C1QTNF1: variants seen among roughly 807,000 people sequenced by gnomAD.
C1QTNF1 encodes complement C1q tumor necrosis factor-related protein 1.
C1QTNF1 carries 22 observed loss-of-function variants against 27.8 expected under a neutral mutation model. That is an observed-to-expected ratio of 0.79 (90% CI 0.56 to 1.13). The LOEUF is 1.13. Among genes scored for constraint, C1QTNF1 ranks in the 50% most tolerant of loss-of-function variants. The probability of loss-of-function intolerance (pLI) is 0.00; values close to 1 mark genes in which losing one functional copy is unlikely to be tolerated. For synonymous variants in C1QTNF1, 166 were observed against 154.3 expected (o/e 1.08, Z -0.56); for missense variants, 373 against 380.2 (o/e 0.98, Z 0.16).
intron 1 of C1QTNF1, 123 bp from the exon 2 acceptor site, chr17:79,043,832 G>C (rs142569019): frequency 3.0e-6 from 3 of 1,016,396 alleles, no homozygotes; most frequent in Non-Finnish European, 4.6e-6. Flanking sequence ...GCATTTCCCA[G>C]TGGCGTGAGG....
At chr17:79,039,455 C>T (rs2072343987) in intron 1 of C1QTNF1, among the ~76,000 whole-genome samples, 2 of 152,186 alleles carry the variant, frequency 1.3e-5, no homozygotes, top group Admixed American at 6.5e-5. Context: ...TAGTTCAAGA[C>T]CAGCCTGGCC....
chr17:79,031,596 G>A (rs1343876770), intron 1 of C1QTNF1, among the ~76,000 whole-genome samples: 1 of 152,126 alleles, frequency 6.6e-6, no homozygotes, highest in African/African-American at 2.4e-5. Context: ...ACAGGCATGT[G>A]CCATGCCTGG....
rs376304337 is a variant in C1QTNF1, at chr17:79,047,656, G to C, written c.414G>C (p.Gly138=). The C allele has an allele frequency of 5.2e-5, 84 of 1,610,750 alleles. No homozygotes were observed. The highest frequency in any genetic ancestry group is 7.0e-5 in the Non-Finnish European group (82 of 1,177,642). The change falls in exon 4 of 4, where the codon GGG becomes GGC. Residue 138 remains glycine (G), a synonymous_variant. Transcript: ENST00000579760. ...AGAAGGGCTCCATGGGGGCCCCTGG[G>C]GAGCGGTGCAAGAGCCACTACGCCG... The part of the protein sequence containing the change: ...KGQKGSMGAP[G]ERCKSHYAAF...
chr17:79,037,553 T>G (rs747110832), intron 1 of C1QTNF1, among the ~76,000 whole-genome samples: 2 of 151,566 alleles, frequency 1.3e-5, no homozygotes, highest in Non-Finnish European at 2.9e-5. Flanking sequence ...CGTGAGCCAC[T>G]GCGCCCAGCC....
rs570448278 is a variant in C1QTNF1, at chr17:79,048,270, C to G, written c.*182C>G. On this transcript the variant is annotated 3_prime_UTR_variant, in exon 4 of 4. Coordinates refer to ENST00000579760, the MANE Select transcript of C1QTNF1 (RefSeq NM_030968.5). Reference sequence around the variant, plus strand: ...TCCCGCAGCCTCTGGAGAGAGCTGACGGCAGATGAAATCACCAGGGCGGGG... The same window carrying G: ...TCCCGCAGCCTCTGGAGAGAGCTGAGGGCAGATGAAATCACCAGGGCGGGG... The G allele has an allele frequency of 4.5e-6, 3 of 661,888 alleles. No homozygotes were observed. The highest frequency in any genetic ancestry group is 2.9e-5 in the East Asian group (1 of 34,632). The allele number at this position is 661,888 out of a possible 1,614,324, so 41.0% of individuals were successfully genotyped here.
At chr17:79,028,915 T>C (rs560225040) in intron 1 of C1QTNF1, among the ~76,000 whole-genome samples, 2 of 148,400 alleles carry the variant, frequency 1.3e-5, no homozygotes, top group Admixed American at 1.4e-4. Context: ...TGTGTGTGCA[T>C]GCACGCGCGG....
intron 1 of C1QTNF1, 21 bp from the exon 2 acceptor site, chr17:79,043,934 T>C (rs1044952856): frequency 2.5e-6 from 4 of 1,612,980 alleles, no homozygotes; most frequent in Non-Finnish European, 3.4e-6. Flanking sequence ...GTGCCTTCCC[T>C]GTGTGTTTCT....
chr17:79,047,809 G>T lies in C1QTNF1; in HGVS notation c.567G>T (p.Val189=). 6.2e-7 allele frequency: 1 copy of T among 1,614,204 alleles called. No individual in the cohort carries two copies. The highest frequency in any genetic ancestry group is 2.2e-5 in the East Asian group (1 of 44,878). Residue 189 remains valine, a synonymous_variant, in exon 4 of 4, where the codon GTG becomes GTT. Transcript: ENST00000579760. ...NMFTGKFYCY[V]PGLYFFSLNV... is the part of the protein sequence containing the mutation. Reference sequence around the variant, plus strand: ...TCACCGGCAAGTTCTACTGCTACGTGCCCGGCCTCTACTTCTTCAGCCTCA... The same window carrying T: ...TCACCGGCAAGTTCTACTGCTACGTTCCCGGCCTCTACTTCTTCAGCCTCA...
chr17:79,044,192 C>A, intron 2 of C1QTNF1, 69 bp downstream of exon 2: 1 of 1,459,904 alleles, frequency 6.8e-7, no homozygotes, highest in South Asian at 1.4e-5. Context: ...GCCTTGGGGC[C>A]CCTGGGGGAG....
In C1QTNF1 at chr17:79,048,165, C is replaced by T. The variant is rs1034063808; in HGVS notation, c.*77C>T. The T allele has an allele frequency of 1.1e-6, 1 of 941,622 alleles. No homozygotes were observed. The highest frequency in any genetic ancestry group is 1.4e-6 in the Non-Finnish European group (1 of 735,182). 58.3% of individuals were successfully genotyped at this position (941,622 alleles called of 1,614,324 possible). On this transcript the variant is annotated 3_prime_UTR_variant, in exon 4 of 4. Coordinates refer to ENST00000579760, the MANE Select transcript of C1QTNF1 (RefSeq NM_030968.5). ...GACCCCACCGCCTCTTCCCCGATCC[C>T]TGGACTCCGACTCCCTGGCTTTGGC...
chr17:79,046,424 C>A lies in C1QTNF1; in HGVS notation c.156-131C>A. 1.5e-6 allele frequency: 2 copies of A among 1,294,020 alleles called. No individual in the cohort carries two copies. The highest frequency in any genetic ancestry group is 2.2e-6 in the Non-Finnish European group (2 of 921,770). 80.2% of individuals were successfully genotyped at this position (1,294,020 alleles called of 1,614,324 possible). ...GGCCGTGAGCCCACCAGCGTGAACACAGAGCCTTGTGGGTCCAGGTGAGAG... is the reference window on the plus strand; with the variant it reads ...GGCCGTGAGCCCACCAGCGTGAACAAAGAGCCTTGTGGGTCCAGGTGAGAG... On this transcript the variant is annotated intron_variant, in intron 2 of 3. Coordinates refer to ENST00000579760, the MANE Select transcript of C1QTNF1 (RefSeq NM_030968.5). The surrounding 1 kb of genome is among the most constrained non-coding windows in gnomAD (Gnocchi z 4.8).
intron 1 of C1QTNF1, among the ~76,000 whole-genome samples, chr17:79,039,415 C>T (rs1413217247): frequency 2.6e-5 from 4 of 151,584 alleles, no homozygotes; most frequent in Non-Finnish European, 4.4e-5. Flanking sequence ...TTTGGGAGGC[C>T]GAGGCAGATG....
intron 1 of C1QTNF1, among the ~76,000 whole-genome samples, chr17:79,029,904 G>A (rs891442683): frequency 1.3e-5 from 2 of 152,144 alleles, no homozygotes; most frequent in East Asian, 1.9e-4. Flanking sequence ...TGTTCCGTTC[G>A]TCCCAAGAAT....
Position 79,046,594 on chromosome 17 carries a change from C to G in C1QTNF1, c.195C>G (p.Asp65Glu), listed in dbSNP as rs2072579562. ...ATGAAAAATACAGGCCCAGTCAGGA[C>G]CAGGGGCTCCCTGCTTCCCGGTGCT... ...EQHEKYRPSQ[D>E]QGLPASRCLR... The change falls in exon 3 of 4, where the codon GAC (aspartate) becomes GAG (glutamate). Residue 65 changes from aspartate (D) to glutamate (E), a missense_variant. Asp to Glu is a conservative substitution (Grantham distance 45, BLOSUM62 2). Coordinates refer to ENST00000579760, the MANE Select transcript of C1QTNF1 (RefSeq NM_030968.5). This position sits in a 1 kb window ranked among gnomAD's most constrained non-coding sequence, Gnocchi z 4.8. 1 of 1,614,204 alleles carries G rather than the reference C, an allele frequency of 6.2e-7. No homozygotes were observed. The highest frequency in any genetic ancestry group is 8.5e-7 in the Non-Finnish European group (1 of 1,180,038).
intron 1 of C1QTNF1, among the ~76,000 whole-genome samples, chr17:79,040,847 T>C (rs1599297960): frequency 6.6e-6 from 1 of 151,260 alleles, no homozygotes; most frequent in Non-Finnish European, 1.5e-5. Flanking sequence ...GAGGCTGCAG[T>C]GAGCCGAGAT....
chr17:79,040,653 G>A (rs2072379541), intron 1 of C1QTNF1, among the ~76,000 whole-genome samples: 1 of 150,514 alleles, frequency 6.6e-6, no homozygotes, highest in South Asian at 2.1e-4. Context: ...CAGCACTTTG[G>A]GAGGCTGAGG....
At chr17:79,038,658 T>C (rs114708930) in intron 1 of C1QTNF1, among the ~76,000 whole-genome samples, 3,570 of 152,272 alleles carry the variant, frequency 0.023, 119 homozygotes, top group African/African-American at 0.081. Flanking sequence ...AGGTTTCACG[T>C]CACTGGCCAA....
Position 79,045,469 on chromosome 17 carries a change from C to T in C1QTNF1, c.156-1086C>T, listed in dbSNP as rs78111110. ...AGGCAGCAGAGAGGATGAGCTGGTG[C>T]GGGGAGGGGCAGATTCCAAGTGAGA... On this transcript the variant is annotated intron_variant, in intron 2 of 3. Transcript: ENST00000579760. Among the ~76,000 whole-genome samples the T allele has an allele frequency of 3.1e-3, 475 of 152,086 alleles. 12 individuals carry two copies. The East Asian group carries it at 0.067, about 22-fold the overall frequency.
intron 1 of C1QTNF1, chr17:79,041,966 G>A (rs2072422352): frequency 6.6e-6 from 1 of 152,218 alleles, no homozygotes; most frequent in South Asian, 2.1e-4. Flanking sequence ...AGTTAGAGGA[G>A]AAAGAGTCTG....
Sources: allele counts gnomAD v4.1 joint callset (sites outside exome capture counted in the v4.1 genomes callset), GRCh38; gene constraint gnomAD v4.1.1; non-coding constraint Gnocchi (gnomAD v3.1); transcripts MANE v1.5; gene names NCBI Gene and HGNC (gene_info 2026-07-23, HGNC 2026-07-21).